The following NHSL2 variants were observed in gnomAD, a reference collection of about 807,000 sequenced individuals.
The protein encoded by NHSL2 is NHS-like protein 2.
A neutral mutation model predicts 53.4 loss-of-function variants in NHSL2; 27 were observed. The observed-to-expected ratio is 0.51, with a 90% CI of 0.37 to 0.70. The LOEUF is 0.70. NHSL2 is among the 30% of genes least tolerant of loss of function. The pLI, the probability that NHSL2 is intolerant of heterozygous loss-of-function variation, is 0.00. For synonymous variants in NHSL2, 408 were observed against 404.1 expected (o/e 1.01, Z -0.12); for missense variants, 892 against 980.1 (o/e 0.91, Z 1.20).
intron 1 of NHSL2, among the ~76,000 whole-genome samples, chrX:72,085,102 G>C (rs778010555): frequency 1.8e-5 from 2 of 111,528 alleles, no homozygotes; most frequent in Non-Finnish European, 3.8e-5. Context: ...TCTAAGGCAC[G>C]AATTATTGTC....
chrX:72,098,773 T>G (rs1477149667), intron 1 of NHSL2, among the ~76,000 whole-genome samples: 1 of 112,004 alleles, frequency 8.9e-6, no homozygotes, highest in Non-Finnish European at 1.9e-5. Context: ...ATAAATATAT[T>G]TAATGGTTTG....
chrX:71,990,868 G>T (rs1026574413), intron 1 of NHSL2, among the ~76,000 whole-genome samples: 1 of 112,218 alleles, frequency 8.9e-6, no homozygotes, highest in African/African-American at 3.2e-5. Flanking sequence ...CTCTGTTCTT[G>T]CCACTTCCCT....
chrX:71,992,789 G>A (rs762903768), intron 1 of NHSL2, among the ~76,000 whole-genome samples: 58 of 112,407 alleles, frequency 5.2e-4, no homozygotes, highest in Non-Finnish European at 7.9e-4. Context: ...AGACAGCACA[G>A]TCGCTGAAGG....
intron 1 of NHSL2, among the ~76,000 whole-genome samples, chrX:71,977,847 A>G (rs746379358): frequency 5.4e-5 from 6 of 111,840 alleles, no homozygotes; most frequent in Non-Finnish European, 1.1e-4. Context: ...GAAATCTTAA[A>G]CAACTTTCTA....
chrX:71,971,993 A>G (rs2041926832), intron 1 of NHSL2, among the ~76,000 whole-genome samples: 1 of 111,686 alleles, frequency 9.0e-6, no homozygotes. Flanking sequence ...GTAAGTGACA[A>G]TGGATTCACT....
chrX:72,130,921 G>A (rs1318513683), intron 1 of NHSL2: 1 of 1,210,253 alleles, frequency 8.3e-7, no homozygotes, highest in Non-Finnish European at 1.1e-6. Context: ...TCCTTCCTGG[G>A]TGACCGAGAT....
chrX:72,137,178 G>T lies in NHSL2; in HGVS notation c.845G>T (p.Arg282Leu), dbSNP rs199659776. Reference sequence around the variant, plus strand: ...GTGAACCCCAAGTCCACCCTGAGGCGGAGGCGGACCATTATTGGATTCTCT... The same window carrying T: ...GTGAACCCCAAGTCCACCCTGAGGCTGAGGCGGACCATTATTGGATTCTCT... Reference protein sequence around the residue: ...TAVNPKSTLRRRRTIIGFSNF... With the variant: ...TAVNPKSTLRLRRTIIGFSNF... Residue 282 changes from arginine to leucine, a missense_variant, in exon 5 of 8, where the codon CGG becomes CTG. Physicochemically the swap from Arg to Leu is moderately radical, Grantham distance 102 (BLOSUM62 -2). Transcript: ENST00000633930. The T allele has an allele frequency of 8.6e-7, 1 of 1,165,601 alleles. No homozygotes were observed. The highest frequency in any genetic ancestry group is 2.6e-5 in the Admixed American group (1 of 38,742).
chrX:72,045,728 G>A (rs1325797591), intron 1 of NHSL2, among the ~76,000 whole-genome samples: 2 of 112,360 alleles, frequency 1.8e-5, no homozygotes, highest in East Asian at 2.8e-4. Flanking sequence ...GCCAGGCAGA[G>A]ACTGACATAT....
At chrX:72,091,979 T>C (rs2099033427) in intron 1 of NHSL2, among the ~76,000 whole-genome samples, 1 of 111,292 alleles carries the variant, frequency 9.0e-6, no homozygotes, top group African/African-American at 3.3e-5. Context: ...ACCACATGCA[T>C]GCACACATGA....
At position 72,067,146 on chromosome X, in the gene NHSL2, A is replaced by AAAACAGAC. The variant is rs59004862; in HGVS notation, c.281-64927_281-64920dup. On this transcript the variant is annotated intron_variant, in intron 1 of 7. Transcript: ENST00000633930. ...TGACAGAGCAAGACCCTGTCTCAAA[A>AAAACAGAC]AAACAGACAAACAAACAAACCGCTT... Among the ~76,000 whole-genome samples the AAAACAGAC allele has an allele frequency of 4.9e-4, 54 of 110,978 alleles. No individual in the cohort carries two copies. The East Asian group carries it at 0.015, about 30-fold the overall frequency.
At chrX:72,064,263 G>A (rs1240706224) in intron 1 of NHSL2, among the ~76,000 whole-genome samples, 1 of 111,612 alleles carries the variant, frequency 9.0e-6, no homozygotes, top group Non-Finnish European at 1.9e-5. Flanking sequence ...CAGAGTCAGA[G>A]TGTGTATTAG....
intron 1 of NHSL2, among the ~76,000 whole-genome samples, chrX:72,052,701 C>T (rs1346821490): frequency 1.8e-5 from 2 of 111,766 alleles, no homozygotes; most frequent in Non-Finnish European, 3.8e-5. Flanking sequence ...GCTGACCACC[C>T]TGGTGGTTTT....
At chrX:71,953,744 T>C (rs1317210108) in intron 1 of NHSL2, among the ~76,000 whole-genome samples, 4 of 111,964 alleles carry the variant, frequency 3.6e-5, no homozygotes, top group Admixed American at 1.9e-4. Context: ...GTTCTACTAA[T>C]AGGCTCCTCT....
chrX:72,007,312 G>T (rs111617293), intron 1 of NHSL2, among the ~76,000 whole-genome samples: 2 of 113,050 alleles, frequency 1.8e-5, no homozygotes, highest in Non-Finnish European at 3.7e-5. Flanking sequence ...TGCTTTGGCA[G>T]GTCAGCTGAA....
chrX:71,975,395 A>G lies in NHSL2; in HGVS notation c.280+64028A>G, dbSNP rs756961475. 3.6e-5 allele frequency among the ~76,000 whole-genome samples: 4 copies of G among 110,959 alleles called. No individual in the cohort carries two copies. In the East Asian group the frequency reaches 1.1e-3, roughly 31 times the overall value. ...ATGGTCTCTTGGCTTTTGCCCAAAC[A>G]TTTGTATTTTAGACACTGCTTCTCC... On this transcript the variant is annotated intron_variant, in intron 1 of 7. Coordinates refer to ENST00000633930, the MANE Select transcript of NHSL2 (RefSeq NM_001013627.3).
intron 1 of NHSL2, among the ~76,000 whole-genome samples, chrX:72,120,058 C>A (rs2042170210): frequency 1.8e-5 from 2 of 112,117 alleles, no homozygotes; most frequent in Non-Finnish European, 3.8e-5. Context: ...GGGATAAATC[C>A]CACTTGGTCA....
Position 72,137,123 on chromosome X carries a change from C to A in NHSL2, c.790C>A (p.Arg264=), listed in dbSNP as rs2042361848. ...GQQFDKHASL[R]HSLFNTETAV... ...GCAGTTTGATAAACATGCAAGTTTG[C>A]GACACTCGTTGTTTAACACAGAGAC... Residue 264 remains arginine, a synonymous_variant, in exon 5 of 8, where the codon CGA becomes AGA. Coordinates refer to ENST00000633930, the MANE Select transcript of NHSL2 (RefSeq NM_001013627.3). 8.6e-7 allele frequency: 1 copy of A among 1,163,712 alleles called. No homozygotes were observed. The highest frequency in any genetic ancestry group is 1.1e-6 in the Non-Finnish European group (1 of 870,324).
intron 1 of NHSL2, among the ~76,000 whole-genome samples, chrX:72,073,763 C>T (rs1286646290): frequency 1.8e-5 from 2 of 112,262 alleles, no homozygotes; most frequent in Non-Finnish European, 3.8e-5. Context: ...AAGCCTGTGC[C>T]TATTGCACCA....
intron 1 of NHSL2, among the ~76,000 whole-genome samples, chrX:72,110,730 A>G (rs1322268276): frequency 3.7e-4 from 19 of 50,727 alleles, no homozygotes; most frequent in African/African-American, 2.2e-3. Flanking sequence ...CACCTAAAAA[A>G]AAAAAAAAAA....
Sources: allele counts gnomAD v4.1 joint callset (sites outside exome capture counted in the v4.1 genomes callset), GRCh38; gene constraint gnomAD v4.1.1; transcripts MANE v1.5; gene names NCBI Gene and HGNC (gene_info 2026-07-23, HGNC 2026-07-21).